CBL: variants seen among roughly 807,000 people sequenced by gnomAD.
CBL encodes the protein E3 ubiquitin-protein ligase CBL.
CBL carries 45 observed loss-of-function variants against 96.9 expected under a neutral mutation model. The observed-to-expected ratio is 0.46, with a 90% CI of 0.37 to 0.60. The LOEUF is 0.60. Ranked by LOEUF, CBL falls within the 20% of genes least tolerant of loss-of-function variation. The pLI is 0.00. For missense variants in CBL, 1,024 were observed against 1,143.5 expected, an observed-to-expected ratio of 0.90 and a Z score of 1.51; for synonymous variants, 420 against 426.8, an observed-to-expected ratio of 0.98 and a Z score of 0.20.
intron 6 of CBL, among the ~76,000 whole-genome samples, chr11:119,276,676 A>G (rs1949891677): frequency 6.6e-6 from 1 of 152,260 alleles, no homozygotes; most frequent in Admixed American, 6.5e-5. Flanking sequence ...ACTTAAAAAT[A>G]CTAACAGTTG....
chr11:119,256,440 C>T (rs1949711640), intron 2 of CBL, among the ~76,000 whole-genome samples: 1 of 152,178 alleles, frequency 6.6e-6, no homozygotes, highest in African/African-American at 2.4e-5. Flanking sequence ...CTTGGACTCC[C>T]AGAGTGCTGG....
At chr11:119,230,158 G>GTTTTTTT (rs879754907) in intron 1 of CBL, among the ~76,000 whole-genome samples, 1 of 143,236 alleles carries the variant, frequency 7.0e-6, no homozygotes. Flanking sequence ...TTTGTTTTTT[G>GTTTTTTT]TTTTTTTTTT....
intron 2 of CBL, among the ~76,000 whole-genome samples, chr11:119,265,409 T>C (rs770516138): frequency 2.6e-5 from 4 of 152,246 alleles, no homozygotes; most frequent in Non-Finnish European, 5.9e-5. Context: ...AGTAGATTAC[T>C]TTTTCTAGCC....
chr11:119,241,965 C>T (rs1949589583), intron 2 of CBL, among the ~76,000 whole-genome samples: 1 of 152,130 alleles, frequency 6.6e-6, no homozygotes, highest in Non-Finnish European at 1.5e-5. Flanking sequence ...TGGGAAGCCA[C>T]TGAACTTTTG....
At chr11:119,212,971 T>C (rs1592367930) in intron 1 of CBL, among the ~76,000 whole-genome samples, 1 of 110,076 alleles carries the variant, frequency 9.1e-6, no homozygotes, top group South Asian at 3.9e-4. Context: ...AAACTCCGTC[T>C]CAAAAAAAAA....
chr11:119,240,242 G>A (rs1357867411), intron 2 of CBL, among the ~76,000 whole-genome samples: 1 of 151,988 alleles, frequency 6.6e-6, no homozygotes, highest in East Asian at 1.9e-4. Context: ...TTTGCGGTGA[G>A]CTGAGATCAT....
chr11:119,220,311 T>C (rs574910627), intron 1 of CBL, among the ~76,000 whole-genome samples: 28 of 152,326 alleles, frequency 1.8e-4, no homozygotes, highest in African/African-American at 6.5e-4. Flanking sequence ...CATTTTTGCC[T>C]TTTAAAAGTA....
chr11:119,291,187 G>A (rs1950024071), intron 12 of CBL, among the ~76,000 whole-genome samples: 1 of 152,120 alleles, frequency 6.6e-6, no homozygotes, highest in Non-Finnish European at 1.5e-5. Context: ...ACTTGAGTCT[G>A]GGAGTTTGAG....
chr11:119,295,362 C>A (rs1415265184), intron 12 of CBL, among the ~76,000 whole-genome samples: 2 of 152,042 alleles, frequency 1.3e-5, no homozygotes, highest in Admixed American at 6.6e-5. Context: ...TTCTACAGCT[C>A]TGTAACAAAG....
intron 1 of CBL, among the ~76,000 whole-genome samples, chr11:119,224,958 C>T (rs558952833): frequency 3.9e-5 from 6 of 151,932 alleles, no homozygotes; most frequent in South Asian, 2.1e-4. Context: ...AGCAGACCCA[C>T]GCTTTCAAAC....
chr11:119,245,060 T>TG (rs1377042196), intron 2 of CBL, among the ~76,000 whole-genome samples: 3 of 151,910 alleles, frequency 2.0e-5, no homozygotes, highest in African/African-American at 7.3e-5. Flanking sequence ...TTTGTAGAGA[T>TG]GGGGTCCCAC....
chr11:119,247,387 G>C (rs1949639920), intron 2 of CBL, among the ~76,000 whole-genome samples: 1 of 152,180 alleles, frequency 6.6e-6, no homozygotes, highest in Non-Finnish European at 1.5e-5. Context: ...TCTAAGAAAA[G>C]ATAGGAAAAA....
chr11:119,242,839 T>C (rs1385106881), intron 2 of CBL, among the ~76,000 whole-genome samples: 1 of 152,142 alleles, frequency 6.6e-6, no homozygotes, highest in Non-Finnish European at 1.5e-5. Flanking sequence ...CTACTTTTTT[T>C]TACTTTTTTA....
chr11:119,286,240 A>G (rs905427293), intron 11 of CBL, among the ~76,000 whole-genome samples: 1 of 152,200 alleles, frequency 6.6e-6, no homozygotes, highest in African/African-American at 2.4e-5. Flanking sequence ...CAGAGGTTGC[A>G]GTGAGCTGAG....
intron 1 of CBL, among the ~76,000 whole-genome samples, chr11:119,217,466 A>G (rs11217188): frequency 0.59 from 90,324 of 152,000 alleles, 27,792 homozygotes; most frequent in East Asian, 0.88. Flanking sequence ...TGTGTCAAGT[A>G]ATTTCTTATA....
At chr11:119,257,282 T>A (rs1949718967) in intron 2 of CBL, among the ~76,000 whole-genome samples, 1 of 152,252 alleles carries the variant, frequency 6.6e-6, no homozygotes, top group East Asian at 1.9e-4. Context: ...GTTCTTTTGA[T>A]TTTTTAAATA....
intron 2 of CBL, among the ~76,000 whole-genome samples, chr11:119,247,500 G>A (rs1376642718): frequency 6.6e-6 from 1 of 152,176 alleles, no homozygotes; most frequent in Non-Finnish European, 1.5e-5. Flanking sequence ...CAAAGTTGCA[G>A]GACACAAGAT....
chr11:119,297,339 A>G (rs1210155900), intron 13 of CBL, 45 bp from the exon 14 acceptor site: 4 of 1,365,814 alleles, frequency 2.9e-6, no homozygotes, highest in South Asian at 2.3e-5. Context: ...TATAGATAAC[A>G]GTTCTATTTC....
At chr11:119,246,235 A>C (rs952230357) in intron 2 of CBL, among the ~76,000 whole-genome samples, 9 of 151,820 alleles carry the variant, frequency 5.9e-5, no homozygotes, top group African/African-American at 2.2e-4. Flanking sequence ...GGCCTCCCAA[A>C]GTGCTGGGAT....
Sources: gnomAD v4.1 joint callset for allele counts (sites outside exome capture counted in the v4.1 genomes callset) on GRCh38, gnomAD v4.1.1 for gene constraint, MANE v1.5 for transcripts, NCBI Gene and HGNC (gene_info 2026-07-23, HGNC 2026-07-21) for gene names.